The following ATP11A variants were observed in gnomAD, a reference collection of about 807,000 sequenced individuals.
ATP11A encodes the protein ATPase phospholipid transporting 11A, also known as phospholipid-transporting ATPase IH.
Under a neutral mutation model 154.4 loss-of-function variants are expected in ATP11A, and 81 were observed. The ratio of observed to expected loss-of-function variants is 0.52; its 90% CI spans 0.44 to 0.63. The LOEUF (loss-of-function observed/expected upper bound fraction) is 0.63, where lower values mean the gene tolerates loss of function less well. ATP11A is among the 30% of genes least tolerant of loss of function. The pLI, the probability that ATP11A is intolerant of heterozygous loss-of-function variation, is 0.00. For synonymous variants in ATP11A, 623 were observed against 585.9 expected (o/e 1.06, Z -0.91); for missense variants, 1,316 against 1,474.3 (o/e 0.89, Z 1.76).
intron 13 of ATP11A, 149 bp from the exon 14 acceptor site, chr13:112,832,711 C>G: frequency 1.3e-6 from 1 of 781,490 alleles, no homozygotes; most frequent in Non-Finnish European, 2.1e-6. Context: ...AATTCCATCC[C>G]ACTGTATAAC....
chr13:112,752,092 ATTCATTTGT>A (rs1007982185), intron 1 of ATP11A, among the ~76,000 whole-genome samples: 9 of 152,060 alleles, frequency 5.9e-5, no homozygotes, highest in African/African-American at 2.2e-4. Context: ...AGTATTGGTC[ATTCATTTGT>A]TAGGAAATTA....
At chr13:112,749,395 A>G (rs2076636691) in intron 1 of ATP11A, among the ~76,000 whole-genome samples, 1 of 152,256 alleles carries the variant, frequency 6.6e-6, no homozygotes, top group South Asian at 2.1e-4. Flanking sequence ...CTATTGAATG[A>G]CTTTCCTGAA....
chr13:112,783,905 G>T (rs1007732549), intron 1 of ATP11A, among the ~76,000 whole-genome samples: 1 of 152,206 alleles, frequency 6.6e-6, no homozygotes, highest in African/African-American at 2.4e-5. Context: ...ATACAGAGAT[G>T]GTCAGGCCCA....
At chr13:112,718,320 CA>C (rs1435895248) in intron 1 of ATP11A, among the ~76,000 whole-genome samples, 1 of 152,198 alleles carries the variant, frequency 6.6e-6, no homozygotes, top group Non-Finnish European at 1.5e-5. Context: ...TTTCAGGTGA[CA>C]ATGTTCAACT....
intron 1 of ATP11A, among the ~76,000 whole-genome samples, chr13:112,749,729 T>A (rs1450008791): frequency 6.8e-6 from 1 of 146,688 alleles, no homozygotes; most frequent in Non-Finnish European, 1.5e-5. Flanking sequence ...CAGCCTCTCG[T>A]GAATTTCTGT....
intron 17 of ATP11A, among the ~76,000 whole-genome samples, chr13:112,845,104 A>T (rs548162744): frequency 6.6e-6 from 1 of 150,852 alleles, no homozygotes; most frequent in South Asian, 2.1e-4. Context: ...GTTGCCAGCC[A>T]CTAGCGGTAC....
chr13:112,790,787 T>A (rs1361860144), intron 2 of ATP11A, among the ~76,000 whole-genome samples: 1 of 152,242 alleles, frequency 6.6e-6, no homozygotes, highest in Non-Finnish European at 1.5e-5. Flanking sequence ...TATGTGCTCT[T>A]GAAGAGTTGC....
Position 112,834,119 on chromosome 13 carries a change from C to T in ATP11A, c.1560-470C>T, listed in dbSNP as rs914647382. ...GGCATTGTATAGATGGGTGCACCCA[C>T]GTGCTGGCTGAAGGCCTGCGCTGGA... On this transcript the variant is annotated intron_variant, in intron 14 of 29. Coordinates refer to ENST00000375645, the MANE Select transcript of ATP11A (RefSeq NM_015205.3). Among the ~76,000 whole-genome samples the T allele has an allele frequency of 5.9e-5, 9 of 152,374 alleles. No homozygotes were observed. The Middle Eastern group carries it at 0.017, about 288-fold the overall frequency.
intron 1 of ATP11A, among the ~76,000 whole-genome samples, chr13:112,759,515 T>C (rs1314485448): frequency 1.3e-5 from 2 of 152,248 alleles, no homozygotes; most frequent in Non-Finnish European, 2.9e-5. Flanking sequence ...GCTGTGACGA[T>C]GACTTTTCAG....
intron 1 of ATP11A, among the ~76,000 whole-genome samples, chr13:112,739,284 G>A (rs1891299836): frequency 6.6e-6 from 1 of 152,194 alleles, no homozygotes; most frequent in African/African-American, 2.4e-5. Flanking sequence ...ACAAAATGAT[G>A]CTCTAATCTA....
At chr13:112,834,778 T>C (rs2079187563) in intron 15 of ATP11A, 118 bp downstream of exon 15, 2 of 776,416 alleles carry the variant, frequency 2.6e-6, no homozygotes, top group Non-Finnish European at 4.3e-6. Flanking sequence ...ATTCGCTTCC[T>C]CTCCTTCCCA....
intron 1 of ATP11A, among the ~76,000 whole-genome samples, chr13:112,723,298 C>CCCCCCCCCCCACCT (rs1566383048): frequency 6.4e-5 from 2 of 31,438 alleles, no homozygotes; most frequent in Non-Finnish European, 1.2e-4. Flanking sequence ...CCACCTCCCC[C>CCCCCCCCCCCACCT]CGCCCTCTTG....
At chr13:112,772,585 C>T (rs1185207328) in intron 1 of ATP11A, among the ~76,000 whole-genome samples, 1 of 151,878 alleles carries the variant, frequency 6.6e-6, no homozygotes, top group East Asian at 1.9e-4. Flanking sequence ...CTTGTCATCA[C>T]CCTCAAATGA....
intron 25 of ATP11A, among the ~76,000 whole-genome samples, chr13:112,871,106 G>A (rs560395808): frequency 4.6e-5 from 7 of 152,316 alleles, no homozygotes; most frequent in Admixed American, 1.3e-4. Context: ...GAGGTTCCCC[G>A]AGGGAAGCCC....
At chr13:112,735,874 A>G (rs1224258032) in intron 1 of ATP11A, among the ~76,000 whole-genome samples, 1 of 152,182 alleles carries the variant, frequency 6.6e-6, no homozygotes, top group Non-Finnish European at 1.5e-5. Flanking sequence ...GACTTTTCCG[A>G]GGTGCATCCA....
chr13:112,816,312 C>T (rs1274083593), intron 6 of ATP11A, 101 bp downstream of exon 6: 3 of 1,493,076 alleles, frequency 2.0e-6, no homozygotes, highest in Non-Finnish European at 1.8e-6. Context: ...TGAAAAGTCA[C>T]CGTTTTCATG....
At chr13:112,809,793 A>G (rs556958713) in intron 4 of ATP11A, among the ~76,000 whole-genome samples, 7 of 152,318 alleles carry the variant, frequency 4.6e-5, no homozygotes, top group Admixed American at 2.6e-4. Flanking sequence ...CACGTTTGTC[A>G]TCCCAGGAAT....
chr13:112,764,260 G>T (rs12323084), intron 1 of ATP11A, among the ~76,000 whole-genome samples: 10,817 of 152,218 alleles, frequency 0.071, 1,312 homozygotes, highest in African/African-American at 0.25. Flanking sequence ...TCTGACACCT[G>T]CGGGGCCCCG....
intron 1 of ATP11A, among the ~76,000 whole-genome samples, chr13:112,716,458 C>T (rs530588049): frequency 7.9e-5 from 12 of 152,094 alleles, no homozygotes; most frequent in Middle Eastern, 3.4e-3. Flanking sequence ...GCTCTGGGGG[C>T]CTGTGGGGGC....
Sources: allele counts gnomAD v4.1 joint callset (sites outside exome capture counted in the v4.1 genomes callset), GRCh38; gene constraint gnomAD v4.1.1; transcripts MANE v1.5; gene names NCBI Gene and HGNC (gene_info 2026-07-23, HGNC 2026-07-21).